The following NOXRED1 variants were observed in gnomAD, a reference collection of about 807,000 sequenced individuals.
NOXRED1 encodes the protein NADP-dependent oxidoreductase domain-containing protein 1.
A neutral mutation model predicts 30.4 loss-of-function variants in NOXRED1; 20 were observed. That is an observed-to-expected ratio of 0.66 (90% CI 0.46 to 0.96). NOXRED1 has a LOEUF of 0.96. Ranked by LOEUF, NOXRED1 falls within the 40% of genes least tolerant of loss-of-function variation. The probability of loss-of-function intolerance (pLI) is 0.00; values close to 1 mark genes in which losing one functional copy is unlikely to be tolerated. For synonymous variants in NOXRED1, 155 were observed against 168.0 expected (o/e 0.92, Z 0.60); for missense variants, 374 against 428.0 (o/e 0.87, Z 1.11).
intron 1 of NOXRED1, among the ~76,000 whole-genome samples, chr14:77,414,588 C>A (rs1292517041): frequency 6.6e-6 from 1 of 152,186 alleles, no homozygotes; most frequent in Non-Finnish European, 1.5e-5. Flanking sequence ...TGTCATTTAT[C>A]CAGCCTCACT....
At chr14:77,398,987 G>T (rs1307685534) in intron 5 of NOXRED1, among the ~76,000 whole-genome samples, 2 of 151,856 alleles carry the variant, frequency 1.3e-5, no homozygotes, top group African/African-American at 2.4e-5. Context: ...ACAAAAAAAA[G>T]CCTATTTACA....
chr14:77,396,019 C>G (rs1180405507), intron 5 of NOXRED1, among the ~76,000 whole-genome samples: 1 of 151,784 alleles, frequency 6.6e-6, no homozygotes, highest in East Asian at 1.9e-4. Context: ...GAGTTCAAGG[C>G]CAGCCTGGGC....
chr14:77,407,460 G>A lies in NOXRED1; in HGVS notation c.530+5C>T, dbSNP rs532157822. ...GCCAGTTCCATTCTCACCCTAACAA[G>A]ATACCTGGGTAGTGGGATGGCAGCT... On this transcript the variant is annotated splice_donor_5th_base_variant and intron_variant, in intron 3 of 5. Transcript: ENST00000380835. 58 of 1,609,858 alleles carry A rather than the reference G, an allele frequency of 3.6e-5. 1 individual carries two copies. The Admixed American group carries it at 7.7e-4, about 21-fold the overall frequency.
chr14:77,419,096 A>T (rs1894915428), intron 1 of NOXRED1, among the ~76,000 whole-genome samples: 2 of 142,144 alleles, frequency 1.4e-5, no homozygotes, highest in African/African-American at 2.6e-5. Flanking sequence ...CTTGAGATAG[A>T]GTTTTGCTAT....
intron 1 of NOXRED1, among the ~76,000 whole-genome samples, chr14:77,415,728 T>TC (rs991902156): frequency 8.6e-5 from 13 of 151,576 alleles, no homozygotes; most frequent in African/African-American, 2.7e-4. Context: ...TTTTTTTTTT[T>TC]CGAGACAGTC....
In NOXRED1 at chr14:77,423,433, C is replaced by T. The variant is rs576791838; in HGVS notation, c.-544G>A. 1 of 152,760 alleles carries T rather than the reference C, an allele frequency of 6.5e-6. No homozygotes were observed. Among genetic ancestry groups the T allele is most frequent in the East Asian group, 1.9e-4 (1 of 5,188 alleles). 9.5% of individuals were successfully genotyped at this position (152,760 alleles called of 1,614,324 possible). A position where few individuals can be genotyped will look rare whatever the true frequency, so the allele number is the denominator to read the frequency against. On this transcript the variant is annotated 5_prime_UTR_variant, in exon 1 of 6. Transcript: ENST00000380835. Reference sequence around the variant, plus strand: ...GGACATCTAGATTTTACAAACTAAACTCAAAGTCATATAAACCCATCTACA... The same window carrying T: ...GGACATCTAGATTTTACAAACTAAATTCAAAGTCATATAAACCCATCTACA...
rs757759337 is a variant in NOXRED1, at chr14:77,422,875, C to T, written c.15G>A (p.Gln5=). ...ACTCAAACTGCAGGGACTCAAGGTC[C>T]TGGAGCATGTCCATTTCCAAGCCAC... MDML[Q]DLESLQFEYG... Residue 5 remains glutamine, a synonymous_variant, in exon 1 of 6, where the codon CAG becomes CAA. Coordinates refer to ENST00000380835, the MANE Select transcript of NOXRED1 (RefSeq NM_001113475.3). 6.2e-7 allele frequency: 1 copy of T among 1,612,374 alleles called. No individual in the cohort carries two copies. Among genetic ancestry groups the T allele is most frequent in the Non-Finnish European group, 8.5e-7 (1 of 1,179,444 alleles).
In NOXRED1 at chr14:77,417,724, T is replaced by C. The variant is rs1894868090; in HGVS notation, c.156-3597A>G. Among the ~76,000 whole-genome samples, 4 of 152,190 alleles carry C rather than the reference T, an allele frequency of 2.6e-5. No homozygotes were observed. The South Asian group carries it at 8.3e-4, about 31-fold the overall frequency. On this transcript the variant is annotated intron_variant, in intron 1 of 5. Coordinates refer to ENST00000380835, the MANE Select transcript of NOXRED1 (RefSeq NM_001113475.3). The stretch of plus-strand genomic sequence containing the variant: ...TTGGATCTTGTTTTTGTTTTTGTTT[T>C]TTATCCATTCAGCCACTCGGTATCT...
At position 77,419,541 on chromosome 14, in the gene NOXRED1, C is replaced by T. The variant is rs190034748; in HGVS notation, c.155+3194G>A. 8.4e-3 allele frequency among the ~76,000 whole-genome samples: 1,250 copies of T among 148,368 alleles called. 4 individuals are homozygous for T. Among genetic ancestry groups the T allele is most frequent in the African/African-American group, 0.014 (554 of 40,286 alleles). On this transcript the variant is annotated intron_variant, in intron 1 of 5. Transcript: ENST00000380835. ...GTGGCTCACTGCTACCTCCGCCTCC[C>T]GGGTTCACGCCATTCTCCTGCCTCA...
intron 5 of NOXRED1, among the ~76,000 whole-genome samples, chr14:77,395,292 G>A (rs1411579748): frequency 6.6e-6 from 1 of 151,658 alleles, no homozygotes; most frequent in Non-Finnish European, 1.5e-5. Context: ...ATTTTTAGTA[G>A]ATACGGGGTT....
intron 2 of NOXRED1, among the ~76,000 whole-genome samples, chr14:77,409,245 C>T (rs1294785567): frequency 1.3e-5 from 2 of 152,074 alleles, no homozygotes; most frequent in African/African-American, 2.4e-5. Context: ...AATATCATCT[C>T]GAATTGTACT....
intron 2 of NOXRED1, among the ~76,000 whole-genome samples, chr14:77,410,337 G>T (rs1405343542): frequency 6.6e-6 from 1 of 152,102 alleles, no homozygotes; most frequent in Non-Finnish European, 1.5e-5. Flanking sequence ...TGGGCACTGT[G>T]GCTCACACCT....
chr14:77,406,927 C>A, intron 3 of NOXRED1, 52 bp from the exon 4 acceptor site: 1 of 1,522,928 alleles, frequency 6.6e-7, no homozygotes, highest in South Asian at 1.2e-5. Flanking sequence ...GAATAAATGA[C>A]GACATAACCC....
chr14:77,421,082 G>A (rs189006179), intron 1 of NOXRED1, among the ~76,000 whole-genome samples: 5 of 152,314 alleles, frequency 3.3e-5, no homozygotes, highest in Admixed American at 2.6e-4. Context: ...CCCCCAAAAA[G>A]GCAGAACAGT....
chr14:77,408,463 T>G (rs1894544484), intron 2 of NOXRED1, among the ~76,000 whole-genome samples: 1 of 152,018 alleles, frequency 6.6e-6, no homozygotes, highest in Non-Finnish European at 1.5e-5. Context: ...CCCAAAGTCC[T>G]GGGATTACAG....
chr14:77,422,864 G>A lies in NOXRED1; in HGVS notation c.26C>T (p.Ser9Phe), dbSNP rs1302208561. 7.4e-6 allele frequency: 12 copies of A among 1,613,634 alleles called. No homozygotes were observed. Among genetic ancestry groups the A allele is most frequent in the Non-Finnish European group, 8.5e-6 (10 of 1,179,834 alleles). MDMLQDLE[S>F]LQFEYGVPEE... ...TGGAACCCCATACTCAAACTGCAGGGACTCAAGGTCCTGGAGCATGTCCAT... is the reference window on the plus strand; with the variant it reads ...TGGAACCCCATACTCAAACTGCAGGAACTCAAGGTCCTGGAGCATGTCCAT... Residue 9 changes from serine to phenylalanine, a missense_variant, in exon 1 of 6, where the codon TCC becomes TTC. Transcript: ENST00000380835.
At chr14:77,406,974 C>G (rs574102061) in intron 3 of NOXRED1, 99 bp from the exon 4 acceptor site, 7 of 1,042,234 alleles carry the variant, frequency 6.7e-6, no homozygotes, top group Admixed American at 4.2e-5. Context: ...CAGACTCCCC[C>G]ACACAGCTCA....
Position 77,406,706 on chromosome 14 carries a change from AAT to A in NOXRED1, c.682+16_682+17del, listed in dbSNP as rs781455042. On this transcript the variant is annotated intron_variant, in intron 4 of 5. Transcript: ENST00000380835. ...AAGTAATTTTCAAAAGAATGCCAGA[AAT>A]ATGTTGAGCCGTGACCAGCAGGACT... 17 of 1,613,040 alleles carry A rather than the reference AAT, an allele frequency of 1.1e-5. No individual in the cohort carries two copies. Among genetic ancestry groups the A allele is most frequent in the Non-Finnish European group, 1.4e-5 (17 of 1,179,172 alleles).
chr14:77,418,128 GT>G (rs950010348), intron 1 of NOXRED1, among the ~76,000 whole-genome samples: 6 of 150,972 alleles, frequency 4.0e-5, no homozygotes, highest in South Asian at 2.1e-4. Flanking sequence ...ATAGTAATAG[GT>G]TTTTTTTTAG....
Sources: gnomAD v4.1 joint callset for allele counts (sites outside exome capture counted in the v4.1 genomes callset) on GRCh38, gnomAD v4.1.1 for gene constraint, MANE v1.5 for transcripts, NCBI Gene and HGNC (gene_info 2026-07-23, HGNC 2026-07-21) for gene names.